CYP4F22: variants seen among roughly 807,000 people sequenced by gnomAD.
CYP4F22 encodes ultra-long-chain fatty acid omega-hydroxylase.
CYP4F22 carries 37 observed loss-of-function variants against 60.4 expected under a neutral mutation model. The observed-to-expected ratio is 0.61, with a 90% CI of 0.47 to 0.81. CYP4F22 has a LOEUF of 0.81. CYP4F22 is among the 30% of genes least tolerant of loss of function. CYP4F22 has a pLI of 0.00. For missense variants in CYP4F22, 655 were observed against 715.0 expected (o/e 0.92, Z 0.96); for synonymous variants, 258 against 280.5 (o/e 0.92, Z 0.80).
rs1040573049 is a variant in CYP4F22, at chr19:15,540,394, G to A, written c.672-56G>A. The A allele has an allele frequency of 3.5e-5, 57 of 1,612,232 alleles. No homozygotes were observed. In the Admixed American group the frequency reaches 9.2e-4, roughly 26 times the overall value. ...AGGAGGCTTATCTTAGCCAAGCCAG[G>A]GCTGTGCTATGCTAGGGGAAGGGGC... On this transcript the variant is annotated intron_variant, in intron 7 of 13. Coordinates refer to ENST00000269703, the MANE Select transcript of CYP4F22 (RefSeq NM_173483.4).
At chr19:15,536,381 C>T (rs4809200) in intron 4 of CYP4F22, among the ~76,000 whole-genome samples, 42,330 of 152,016 alleles carry the variant, frequency 0.28, 6,745 homozygotes, top group Non-Finnish European at 0.37. Flanking sequence ...AGTTCTGTGA[C>T]GTCGAATAGG....
intron 8 of CYP4F22, among the ~76,000 whole-genome samples, chr19:15,543,640 T>G (rs1210998749): frequency 1.3e-5 from 2 of 152,038 alleles, no homozygotes; most frequent in African/African-American, 4.8e-5. Flanking sequence ...GTAGATCACT[T>G]GAGGCCACGA....
chr19:15,532,549 AT>A (rs371553531), intron 4 of CYP4F22, among the ~76,000 whole-genome samples: 8,995 of 145,654 alleles, frequency 0.062, 300 homozygotes, highest in African/African-American at 0.083. Flanking sequence ...TAATTTTTGT[AT>A]TTTTTTTTTT....
At chr19:15,550,649 T>C (rs762485674) in intron 12 of CYP4F22, 25 bp from the exon 13 acceptor site, 1 of 1,613,388 alleles carries the variant, frequency 6.2e-7, no homozygotes, top group South Asian at 1.1e-5. Flanking sequence ...GCCCCCAGAC[T>C]CATCTCCAGG....
At chr19:15,531,594 C>A (rs1194616769) in intron 4 of CYP4F22, among the ~76,000 whole-genome samples, 1 of 152,110 alleles carries the variant, frequency 6.6e-6, no homozygotes, top group Non-Finnish European at 1.5e-5. Flanking sequence ...CCCTGTTGAA[C>A]TAAGGGGAAA....
At chr19:15,526,302 C>T (rs1214529883) in intron 3 of CYP4F22, among the ~76,000 whole-genome samples, 1 of 152,152 alleles carries the variant, frequency 6.6e-6, no homozygotes, top group Non-Finnish European at 1.5e-5. Context: ...CAATGTGGTT[C>T]CACTCTTCTC....
intron 8 of CYP4F22, among the ~76,000 whole-genome samples, chr19:15,541,695 A>T (rs1462108389): frequency 6.6e-6 from 1 of 152,012 alleles, no homozygotes; most frequent in Non-Finnish European, 1.5e-5. Flanking sequence ...AGCCTGACCA[A>T]CATGGAGAAA....
intron 9 of CYP4F22, 51 bp from the exon 10 acceptor site, chr19:15,544,099 T>G (rs777370587): frequency 5.8e-5 from 94 of 1,613,990 alleles, no homozygotes; most frequent in South Asian, 4.4e-4. Flanking sequence ...GTAGACAGCA[T>G]CTCTGCTTTC....
intron 1 of CYP4F22, among the ~76,000 whole-genome samples, chr19:15,517,291 T>C (rs1971167145): frequency 2.6e-5 from 4 of 152,210 alleles, no homozygotes; most frequent in Admixed American, 2.6e-4. Flanking sequence ...GTGGACCTCT[T>C]GTCATGATTC....
intron 10 of CYP4F22, 98 bp from the exon 11 acceptor site, chr19:15,547,988 AGAGAGAGGGAGAGAGTGTGTGT>A (rs1346296443): frequency 2.5e-4 from 113 of 448,560 alleles, no homozygotes; most frequent in African/African-American, 2.5e-3. Flanking sequence ...AGAGAGAGAG[AGAGAGAGGGAGAGAGTGTGTGT>A]GTGTGTGTGT....
At chr19:15,510,966 A>ATATATATATTTTTTTTT in intron 1 of CYP4F22, among the ~76,000 whole-genome samples, 1 of 103,306 alleles carries the variant, frequency 9.7e-6, no homozygotes, top group African/African-American at 4.6e-5. Context: ...ATATATATAT[A>ATATATATATTTTTTTTT]TTTTTTTTTT....
intron 4 of CYP4F22, among the ~76,000 whole-genome samples, chr19:15,530,552 T>C (rs1599800120): frequency 6.6e-6 from 1 of 152,166 alleles, no homozygotes; most frequent in East Asian, 1.9e-4. Flanking sequence ...CACGCTGCTA[T>C]GAAGGACTAC....
intron 3 of CYP4F22, among the ~76,000 whole-genome samples, chr19:15,526,747 CTTTTT>C (rs751050534): frequency 7.4e-6 from 1 of 134,436 alleles, no homozygotes. Context: ...TAGACTTTTC[CTTTTT>C]TTTTTTTTTT....
chr19:15,545,677 GA>G (rs1971517665), intron 10 of CYP4F22, among the ~76,000 whole-genome samples: 1 of 52,842 alleles, frequency 1.9e-5, no homozygotes, highest in Non-Finnish European at 3.6e-5. Context: ...AAAAAGAAAA[GA>G]AAAGAAAAGA....
intron 7 of CYP4F22, among the ~76,000 whole-genome samples, chr19:15,540,104 T>C (rs1315791637): frequency 6.6e-6 from 1 of 152,212 alleles, no homozygotes; most frequent in Non-Finnish European, 1.5e-5. Flanking sequence ...ACTATGCCTA[T>C]GTTGAAAGTC....
intron 3 of CYP4F22, among the ~76,000 whole-genome samples, chr19:15,526,710 T>C (rs1568356854): frequency 2.6e-5 from 4 of 151,994 alleles, no homozygotes; most frequent in Non-Finnish European, 5.9e-5. Context: ...CTCTAGTTTC[T>C]GTAGTTAGTT....
At chr19:15,513,898 T>C (rs1030360184) in intron 1 of CYP4F22, among the ~76,000 whole-genome samples, 4 of 152,206 alleles carry the variant, frequency 2.6e-5, no homozygotes, top group African/African-American at 9.7e-5. Context: ...AATCGAGATG[T>C]AATTAATAGT....
In CYP4F22 at chr19:15,540,667, G is replaced by A. The variant is rs1273936208; in HGVS notation, c.889G>A (p.Ala297Thr). ...RQQGAEAWLK[A>T]KQGKTLDFID... is the part of the protein sequence containing the mutation. Reference sequence around the variant, plus strand: ...GCAGGGGGCCGAGGCCTGGCTTAAGGCCAAGCAGGGGAAGACCTTGGACTT... The same window carrying A: ...GCAGGGGGCCGAGGCCTGGCTTAAGACCAAGCAGGGGAAGACCTTGGACTT... The change falls in exon 8 of 14, where the codon GCC becomes ACC. Residue 297 changes from alanine (A) to threonine (T), a missense_variant. Coordinates refer to ENST00000269703, the MANE Select transcript of CYP4F22 (RefSeq NM_173483.4). 1 of 1,613,656 alleles carries A rather than the reference G, an allele frequency of 6.2e-7. No individual in the cohort carries two copies. Among genetic ancestry groups the A allele is most frequent in the African/African-American group, 1.3e-5 (1 of 74,792 alleles).
At chr19:15,517,496 C>T (rs1317758476) in intron 1 of CYP4F22, among the ~76,000 whole-genome samples, 1 of 152,186 alleles carries the variant, frequency 6.6e-6, no homozygotes, top group East Asian at 1.9e-4. Context: ...CCCCAAGCAC[C>T]CATCTCCCCA....
Sources: gnomAD v4.1 joint callset for allele counts (sites outside exome capture counted in the v4.1 genomes callset) on GRCh38, gnomAD v4.1.1 for gene constraint, MANE v1.5 for transcripts, NCBI Gene and HGNC (gene_info 2026-07-23, HGNC 2026-07-21) for gene names.